The following ANK3 variants were observed in gnomAD, a reference collection of about 807,000 sequenced individuals.
ANK3 encodes the protein ankyrin-3.
In ANK3, 57 loss-of-function variants were observed where a neutral mutation model predicts 370.9. The ratio of observed to expected loss-of-function variants is 0.15; its 90% CI spans 0.12 to 0.19. The LOEUF is 0.19. Among genes scored for constraint, ANK3 ranks in the 10% least tolerant of loss-of-function variants. The probability of loss-of-function intolerance (pLI) is 1.00; values close to 1 mark genes in which losing one functional copy is unlikely to be tolerated. For synonymous variants in ANK3, 1,929 were observed against 1,946.3 expected, an observed-to-expected ratio of 0.99 and a Z score of 0.23; for missense variants, 4,439 against 5,302.1, an observed-to-expected ratio of 0.84 and a Z score of 5.06.
chr10:60,218,097 CTTTTTTTTTT>C (rs199989242), intron 8 of ANK3, among the ~76,000 whole-genome samples: 1 of 126,156 alleles, frequency 7.9e-6, no homozygotes, highest in Non-Finnish European at 1.6e-5. Context: ...CTTTTTCTTT[CTTTTTTTTTT>C]TTTTTTTTTT....
intron 30 of ANK3, among the ~76,000 whole-genome samples, chr10:60,085,530 C>T (rs116105518): frequency 0.014 from 2,177 of 150,220 alleles, 40 homozygotes; most frequent in African/African-American, 0.047. Context: ...GGGGCAGCCA[C>T]AATTTATAAG....
intron 2 of ANK3, among the ~76,000 whole-genome samples, chr10:60,423,538 A>G (rs1407081253): frequency 6.6e-6 from 1 of 151,822 alleles, no homozygotes. Flanking sequence ...GTCACTCTTC[A>G]TTGCAATAAC....
At chr10:60,474,767 T>C (rs191920828) in intron 2 of ANK3, among the ~76,000 whole-genome samples, 207 of 152,276 alleles carry the variant, frequency 1.4e-3, no homozygotes, top group Admixed American at 2.2e-3. Context: ...TATTCCATAC[T>C]CATTTTGAAA....
In ANK3 at chr10:60,379,861, C is replaced by T. The variant is rs138201326; in HGVS notation, c.114+9564G>A. 2.4e-3 allele frequency among the ~76,000 whole-genome samples: 371 copies of T among 152,018 alleles called. 1 individual carries two copies. The highest frequency in any genetic ancestry group is 8.5e-3 in the African/African-American group (353 of 41,492). On this transcript the variant is annotated intron_variant, in intron 1 of 43. Transcript: ENST00000280772. The stretch of plus-strand genomic sequence containing the variant: ...TTTCAAATAGGTAGATGGATGATAT[C>T]GAACATGTCCAACACACAAAAAAAT...
intron 1 of ANK3, among the ~76,000 whole-genome samples, chr10:60,362,360 TCC>T: frequency 6.6e-6 from 1 of 152,212 alleles, no homozygotes; most frequent in African/African-American, 2.4e-5. Flanking sequence ...CAAGAATAAT[TCC>T]TATGAATAGA....
intron 35 of ANK3, chr10:60,081,875 A>C: frequency 3.2e-6 from 1 of 313,214 alleles, no homozygotes; most frequent in Non-Finnish European, 5.8e-6. Context: ...ACGTTTATTT[A>C]TACATGCCAA....
intron 1 of ANK3, among the ~76,000 whole-genome samples, chr10:60,329,707 T>A (rs2050748783): frequency 6.6e-6 from 1 of 152,202 alleles, no homozygotes; most frequent in African/African-American, 2.4e-5. Context: ...ATGGCCATAT[T>A]GCCCAAAGTA....
chr10:60,169,738 T>C (rs1249937448), intron 21 of ANK3, among the ~76,000 whole-genome samples: 1 of 152,206 alleles, frequency 6.6e-6, no homozygotes, highest in Non-Finnish European at 1.5e-5. Context: ...TTATGTATAA[T>C]AGTATGAATT....
intron 2 of ANK3, among the ~76,000 whole-genome samples, chr10:60,529,170 G>A (rs578122003): frequency 6.6e-6 from 1 of 152,204 alleles, no homozygotes; most frequent in East Asian, 1.9e-4. Flanking sequence ...ATAAAGTGGG[G>A]GTAGACAATA....
rs932825956 is a variant in ANK3 at position 60,088,413 on chromosome 10, C to G, written c.3329-55G>C. ...GAGAATAAGCATATCTACAACATACCTTAAGTCAAAATGATATATCTTTTT... is the reference window on the plus strand; with the variant it reads ...GAGAATAAGCATATCTACAACATACGTTAAGTCAAAATGATATATCTTTTT... On this transcript the variant is annotated intron_variant, in intron 28 of 43. Coordinates refer to ENST00000280772, the MANE Select transcript of ANK3 (RefSeq NM_020987.5). 9.6e-6 allele frequency: 14 copies of G among 1,457,470 alleles called. No homozygotes were observed. The African/African-American group carries it at 2.0e-4, about 21-fold the overall frequency. The allele number at this position is 1,457,470 out of a possible 1,614,324, so 90.3% of individuals were successfully genotyped here. A position where few individuals can be genotyped will look rare whatever the true frequency, so the allele number is the denominator to read the frequency against.
At chr10:60,088,037 G>C in intron 29 of ANK3, 110 bp downstream of exon 29, 2 of 814,844 alleles carry the variant, frequency 2.5e-6, no homozygotes, top group Non-Finnish European at 4.0e-6. Flanking sequence ...TTCCCCAAAC[G>C]GCCTAATTAG....
At chr10:60,292,352 T>A (rs2041593962) in intron 1 of ANK3, among the ~76,000 whole-genome samples, 1 of 151,712 alleles carries the variant, frequency 6.6e-6, no homozygotes, top group Non-Finnish European at 1.5e-5. Context: ...AATAGTAATA[T>A]CTTGCTCTGG....
intron 1 of ANK3, among the ~76,000 whole-genome samples, chr10:60,287,473 G>T (rs1196154079): frequency 1.3e-5 from 2 of 152,136 alleles, no homozygotes; most frequent in Non-Finnish European, 2.9e-5. Flanking sequence ...TCCACTGAGG[G>T]TTCTAAGAAA....
At chr10:60,481,424 G>A (rs2075212280) in intron 2 of ANK3, among the ~76,000 whole-genome samples, 1 of 152,034 alleles carries the variant, frequency 6.6e-6, no homozygotes, top group Non-Finnish European at 1.5e-5. Context: ...ATGGAATTGA[G>A]CAAAATTCCG....
chr10:60,114,667 T>C (rs1019358185), intron 25 of ANK3, among the ~76,000 whole-genome samples: 1 of 152,226 alleles, frequency 6.6e-6, no homozygotes. Context: ...AACTGTAATT[T>C]TTTTTCCCAA....
chr10:60,601,705 G>A (rs1419563563), intron 2 of ANK3, among the ~76,000 whole-genome samples: 1 of 152,136 alleles, frequency 6.6e-6, no homozygotes, highest in Non-Finnish European at 1.5e-5. Flanking sequence ...AGAGTGTGGA[G>A]TTTAGTTAAT....
chr10:60,443,762 G>T (rs1181072059), intron 2 of ANK3, among the ~76,000 whole-genome samples: 3 of 152,076 alleles, frequency 2.0e-5, no homozygotes, highest in African/African-American at 7.2e-5. Flanking sequence ...TATCACAAAA[G>T]CCCTGCTTAG....
intron 1 of ANK3, among the ~76,000 whole-genome samples, chr10:60,702,265 CAA>C (rs5785462): frequency 1.2e-3 from 155 of 128,866 alleles, no homozygotes; most frequent in Middle Eastern, 4.0e-3. Context: ...GACCCTGTCT[CAA>C]AAAAAAAAAA....
chr10:60,102,441 A>G lies in ANK3; in HGVS notation c.3328+3464T>C, dbSNP rs2091439503. 2.0e-5 allele frequency among the ~76,000 whole-genome samples: 3 copies of G among 152,100 alleles called. No individual in the cohort carries two copies. In the South Asian group the frequency reaches 6.2e-4, roughly 31 times the overall value. On this transcript the variant is annotated intron_variant, in intron 28 of 43. Coordinates refer to ENST00000280772, the MANE Select transcript of ANK3 (RefSeq NM_020987.5). ...CATCCTCACTTTACACATTTAAACC[A>G]AGGCTCAGAGATTGAGTGCTTCATT...
Sources: allele counts gnomAD v4.1 joint callset (sites outside exome capture counted in the v4.1 genomes callset), GRCh38; gene constraint gnomAD v4.1.1; transcripts MANE v1.5; gene names NCBI Gene and HGNC (gene_info 2026-07-23, HGNC 2026-07-21).